The following AGTPBP1 variants were observed in gnomAD, a reference collection of about 807,000 sequenced individuals.
AGTPBP1 encodes cytosolic carboxypeptidase 1.
A neutral mutation model predicts 143.9 loss-of-function variants in AGTPBP1; 70 were observed. The observed-to-expected ratio is 0.49, with a 90% CI of 0.40 to 0.59. The LOEUF (loss-of-function observed/expected upper bound fraction) is 0.59, where lower values mean the gene tolerates loss of function less well. Ranked by LOEUF, AGTPBP1 falls within the 20% of genes least tolerant of loss-of-function variation. AGTPBP1 has a pLI of 0.00. For synonymous variants in AGTPBP1, 463 were observed against 500.2 expected, an observed-to-expected ratio of 0.93 and a Z score of 0.99; for missense variants, 1,229 against 1,464.5, an observed-to-expected ratio of 0.84 and a Z score of 2.62.
intron 1 of AGTPBP1, among the ~76,000 whole-genome samples, chr9:85,733,039 G>A (rs1422477236): frequency 6.6e-6 from 1 of 151,938 alleles, no homozygotes; most frequent in Non-Finnish European, 1.5e-5. Context: ...TATAATAAAA[G>A]GTGGATACTT....
intron 2 of AGTPBP1, among the ~76,000 whole-genome samples, chr9:85,697,036 T>C (rs1836290478): frequency 2.0e-5 from 3 of 152,338 alleles, no homozygotes; most frequent in Admixed American, 1.3e-4. Context: ...TTTCTCCAAA[T>C]AGTGAACACA....
At chr9:85,687,124 G>T (rs970261583) in intron 3 of AGTPBP1, among the ~76,000 whole-genome samples, 4 of 152,086 alleles carry the variant, frequency 2.6e-5, no homozygotes, top group Non-Finnish European at 5.9e-5. Context: ...TTTAAGTCTA[G>T]AACTATTATG....
At chr9:85,591,554 A>G (rs1048110748) in intron 19 of AGTPBP1, among the ~76,000 whole-genome samples, 2 of 152,196 alleles carry the variant, frequency 1.3e-5, no homozygotes, top group African/African-American at 4.8e-5. Flanking sequence ...CCAGGCAAAT[A>G]AAAATAGTGC....
At chr9:85,692,610 A>T in intron 3 of AGTPBP1, 79 bp downstream of exon 3, 1 of 1,529,642 alleles carries the variant, frequency 6.5e-7, no homozygotes, top group South Asian at 1.2e-5. Flanking sequence ...ATCCATTATT[A>T]GAAGTTTGAA....
chr9:85,670,443 A>G (rs1385453947), intron 7 of AGTPBP1, among the ~76,000 whole-genome samples: 1 of 152,204 alleles, frequency 6.6e-6, no homozygotes, highest in Non-Finnish European at 1.5e-5. Flanking sequence ...GGTAATGAGG[A>G]CTTTAATTAA....
chr9:85,640,249 A>G (rs1222905442), intron 13 of AGTPBP1, among the ~76,000 whole-genome samples: 1 of 152,216 alleles, frequency 6.6e-6, no homozygotes, highest in Non-Finnish European at 1.5e-5. Context: ...TACACACTTC[A>G]AAAAACAGAG....
chr9:85,553,122 CAAGT>C (rs1369343148), intron 25 of AGTPBP1, among the ~76,000 whole-genome samples: 2 of 152,088 alleles, frequency 1.3e-5, no homozygotes, highest in Admixed American at 6.5e-5. Flanking sequence ...ATAGAAAATG[CAAGT>C]AACAATTTCT....
chr9:85,610,214 G>C (rs1254588704), intron 17 of AGTPBP1, among the ~76,000 whole-genome samples: 2 of 152,154 alleles, frequency 1.3e-5, no homozygotes, highest in African/African-American at 2.4e-5. Flanking sequence ...TGGAGAGAAA[G>C]TGAAAGAGAA....
chr9:85,777,440 T>A, the AGTPBP1 span, among the ~76,000 whole-genome samples: 72 of 152,292 alleles, frequency 4.7e-4, no homozygotes, highest in African/African-American at 1.7e-3. Flanking sequence ...CACTCAGCAG[T>A]GGCCGTAGCC....
At chr9:85,664,286 G>T (rs576116525) in intron 8 of AGTPBP1, among the ~76,000 whole-genome samples, 2 of 152,200 alleles carry the variant, frequency 1.3e-5, no homozygotes, top group East Asian at 3.9e-4. Flanking sequence ...ACCACATTAC[G>T]ATTTTCATGG....
intron 11 of AGTPBP1, among the ~76,000 whole-genome samples, chr9:85,652,566 T>C (rs374897222): frequency 6.6e-5 from 10 of 152,202 alleles, no homozygotes; most frequent in African/African-American, 2.4e-4. Flanking sequence ...GAACACATCA[T>C]GGTGCTGGGA....
chr9:85,553,405 A>T (rs1439516730), intron 25 of AGTPBP1, among the ~76,000 whole-genome samples: 2 of 152,260 alleles, frequency 1.3e-5, no homozygotes, highest in East Asian at 3.8e-4. Flanking sequence ...ATTATAAAAC[A>T]GGCTTTGCCT....
the AGTPBP1 span, chr9:85,765,113 C>A: frequency 4.2e-6 from 2 of 479,406 alleles, no homozygotes; most frequent in Non-Finnish European, 7.6e-6. Context: ...ACTGAGATAT[C>A]CTTACATAGT....
chr9:85,593,408 G>A (rs529034485), intron 18 of AGTPBP1, among the ~76,000 whole-genome samples: 6 of 152,138 alleles, frequency 3.9e-5, no homozygotes, highest in Non-Finnish European at 7.4e-5. Context: ...AGACTTAAGG[G>A]ACATGTCAAC....
upstream of AGTPBP1, among the ~76,000 whole-genome samples, chr9:85,742,437 C>T (rs781708537): frequency 2.0e-5 from 3 of 150,870 alleles, no homozygotes; most frequent in Non-Finnish European, 4.4e-5. Flanking sequence ...TCGCATCAAA[C>T]GCTGGGGACT....
intron 7 of AGTPBP1, among the ~76,000 whole-genome samples, chr9:85,670,054 A>C (rs1418388416): frequency 6.6e-6 from 1 of 152,228 alleles, no homozygotes. Flanking sequence ...AGAGTGAGAC[A>C]GACATTTCTG....
the AGTPBP1 span, among the ~76,000 whole-genome samples, chr9:85,760,692 C>G: frequency 6.6e-6 from 1 of 152,164 alleles, no homozygotes; most frequent in Non-Finnish European, 1.5e-5. Flanking sequence ...TGGAAGCATT[C>G]CCTTTGAAAA....
chr9:85,598,886 A>G (rs528713216), intron 17 of AGTPBP1, among the ~76,000 whole-genome samples: 22 of 151,922 alleles, frequency 1.4e-4, no homozygotes, highest in Admixed American at 1.3e-3. Flanking sequence ...GTGCCCAGCT[A>G]ATTTTTGTAT....
chr9:85,594,964 G>A (rs1313447346), intron 18 of AGTPBP1, among the ~76,000 whole-genome samples: 1 of 152,150 alleles, frequency 6.6e-6, no homozygotes, highest in Non-Finnish European at 1.5e-5. Flanking sequence ...GCACTGCTCA[G>A]ATAGTTTCAC....
Sources: gnomAD v4.1 joint callset for allele counts (sites outside exome capture counted in the v4.1 genomes callset) on GRCh38, gnomAD v4.1.1 for gene constraint, MANE v1.5 for transcripts, NCBI Gene and HGNC (gene_info 2026-07-23, HGNC 2026-07-21) for gene names.